Variants in APC observed in about 807,000 individuals in gnomAD.
APC encodes APC regulator of Wnt signaling pathway.
Under a neutral mutation model 247.0 loss-of-function variants are expected in APC, and 72 were observed. The observed-to-expected ratio is 0.29, with a 90% CI of 0.24 to 0.35. The LOEUF is 0.35. Among genes scored for constraint, APC ranks in the 10% least tolerant of loss-of-function variants. APC has a pLI of 1.00. For missense variants in APC, 3,400 were observed against 3,360.7 expected (o/e 1.01, Z -0.29); for synonymous variants, 1,254 against 1,162.5 (o/e 1.08, Z -1.60).
chr5:112,733,692 G>A (rs1752209858), upstream of APC, among the ~76,000 whole-genome samples: 1 of 152,196 alleles, frequency 6.6e-6, no homozygotes. Context: ...GTTATCAAAT[G>A]TGTGTTTTAA....
At chr5:112,710,266 G>T (rs62363986) in intron 1 of APC, among the ~76,000 whole-genome samples, 1 of 152,160 alleles carries the variant, frequency 6.6e-6, no homozygotes, top group Non-Finnish European at 1.5e-5. Context: ...TGGGTCTCTA[G>T]TGTTGTGTTC....
chr5:112,774,392 A>G (rs1393137130), intron 4 of APC, among the ~76,000 whole-genome samples: 2 of 152,160 alleles, frequency 1.3e-5, no homozygotes, highest in Non-Finnish European at 2.9e-5. Context: ...CCAAAATCCA[A>G]AAACACTTCT....
At chr5:112,742,680 A>G (rs1292353284) in intron 1 of APC, among the ~76,000 whole-genome samples, 4 of 152,170 alleles carry the variant, frequency 2.6e-5, no homozygotes, top group African/African-American at 4.8e-5. Flanking sequence ...GCTTCCCTCA[A>G]TGATTCTAAC....
At position 112,842,974 on chromosome 5, in the gene APC, T is replaced by C. The variant is rs1060504889; in HGVS notation, c.7380T>C (p.Ala2460=). 1 of 1,614,086 alleles carries C rather than the reference T, an allele frequency of 6.2e-7. No homozygotes were observed. Among genetic ancestry groups the C allele is most frequent in the South Asian group, 1.1e-5 (1 of 91,080 alleles). ...PTLRRKLEES[A]SFESLSPSSR... ...TAAGAAGAAAATTGGAGGAATCTGC[T>C]TCATTTGAATCTCTTTCTCCATCAT... The change falls in exon 16 of 16, where the codon GCT becomes GCC. Residue 2460 remains alanine (A), a synonymous_variant. Transcript: ENST00000257430.
At position 112,839,812 on chromosome 5, in the gene APC, G is replaced by T. The variant is rs1353765293; in HGVS notation, c.4218G>T (p.Gln1406His). The T allele has an allele frequency of 2.5e-6, 4 of 1,613,982 alleles. No homozygotes were observed. In the South Asian group the frequency reaches 4.4e-5, roughly 18 times the overall value. The change falls in exon 16 of 16, where the codon CAG becomes CAT. Residue 1406 changes from glutamine (Q) to histidine (H), a missense_variant. Transcript: ENST00000257430. This position sits in a 1 kb window ranked among gnomAD's most constrained non-coding sequence, Gnocchi z 5.0. ...FESRSIASSV[Q>H]SEPCSGMVSG... is the part of the protein sequence containing the mutation. ...GTCGTTCGATTGCCAGCTCCGTTCA[G>T]AGTGAACCATGCAGTGGAATGGTAA...
rs761733547 is a variant in APC, at chr5:112,837,684, C to T, written c.2090C>T (p.Ala697Val). ...LSARNPKDQE[A>V]LWDMGAVSML... Reference sequence around the variant, plus strand: ...GCAAGAAATCCTAAAGACCAGGAAGCATTATGGGACATGGGGGCAGTTAGC... The same window carrying T: ...GCAAGAAATCCTAAAGACCAGGAAGTATTATGGGACATGGGGGCAGTTAGC... The change falls in exon 16 of 16, where the codon GCA becomes GTA. Residue 697 changes from alanine (A) to valine (V), a missense_variant. This residue lies in a region of APC where 184 missense variants were observed against 248.0 expected (regional missense o/e 0.74). Coordinates refer to ENST00000257430, the MANE Select transcript of APC (RefSeq NM_000038.6). 6.2e-6 allele frequency: 10 copies of T among 1,614,050 alleles called. No homozygotes were observed. Among genetic ancestry groups the T allele is most frequent in the African/African-American group, 2.7e-5 (2 of 74,928 alleles).
chr5:112,779,771 A>G (rs1320485386), intron 5 of APC, among the ~76,000 whole-genome samples: 2 of 152,106 alleles, frequency 1.3e-5, no homozygotes, highest in African/African-American at 2.4e-5. Flanking sequence ...TTTCATCTCT[A>G]TTGCAACCCA....
At position 112,801,343 on chromosome 5, in the gene APC, G is replaced by T; in HGVS notation, c.794G>T (p.Gly265Val). ...HDAERQNEGQ[G>V]VGEINMATSG... is the part of the protein sequence containing the mutation. ...GCTGAGCGGCAGAATGAAGGTCAAG[G>T]AGTGGGAGAAATCAACATGGCAACT... The change falls in exon 8 of 16, where the codon GGA (glycine) becomes GTA (valine). Residue 265 changes from glycine to valine, a missense_variant. Physicochemically the swap from Gly to Val is moderately radical, Grantham distance 109 (BLOSUM62 -3). This residue lies in a region of APC where 372 missense variants were observed against 367.6 expected (regional missense o/e 1.01). Transcript: ENST00000257430. 1 of 1,612,734 alleles carries T rather than the reference G, an allele frequency of 6.2e-7. No homozygotes were observed. The highest frequency in any genetic ancestry group is 8.5e-7 in the Non-Finnish European group (1 of 1,179,094).
At chr5:112,759,888 C>T (rs182966873) in intron 2 of APC, among the ~76,000 whole-genome samples, 356 of 152,064 alleles carry the variant, frequency 2.3e-3, no homozygotes, top group African/African-American at 8.2e-3. Context: ...TTTAAAAACT[C>T]TTCAAAATCA....
chr5:112,803,723 A>G (rs1761077851), intron 8 of APC, among the ~76,000 whole-genome samples: 1 of 152,230 alleles, frequency 6.6e-6, no homozygotes, highest in Non-Finnish European at 1.5e-5. Flanking sequence ...TGAAAAGGAC[A>G]GACAGTCCTT....
chr5:112,819,428 GC>G, intron 10 of APC, 84 bp downstream of exon 10: 1 of 1,549,902 alleles, frequency 6.5e-7, no homozygotes, highest in African/African-American at 1.4e-5. Context: ...TAGTTAATAT[GC>G]TGTCTTTATG....
In APC at chr5:112,792,558, G is replaced by A. The variant is rs577773961; in HGVS notation, c.729+29G>A. On this transcript the variant is annotated intron_variant, in intron 7 of 15. Transcript: ENST00000257430. ...AGTAAATTGCCTTTCTTGTTTGTGGGTATAAAAATAGGTAGTTATTCTGAG... is the reference window on the plus strand; with the variant it reads ...AGTAAATTGCCTTTCTTGTTTGTGGATATAAAAATAGGTAGTTATTCTGAG... 5.9e-6 allele frequency: 9 copies of A among 1,513,932 alleles called. No individual in the cohort carries two copies. In the East Asian group the frequency reaches 2.0e-4, roughly 34 times the overall value. The allele number at this position is 1,513,932 out of a possible 1,614,324, so 93.8% of individuals were successfully genotyped here.
intron 1 of APC, among the ~76,000 whole-genome samples, chr5:112,724,712 G>A (rs1353210154): frequency 1.3e-5 from 2 of 152,106 alleles, no homozygotes; most frequent in Non-Finnish European, 2.9e-5. Flanking sequence ...TTATCTAGGT[G>A]AAAAAGCAGA....
In APC at chr5:112,840,618, T is replaced by G. The variant is rs2149930041; in HGVS notation, c.5024T>G (p.Val1675Gly). 1.2e-6 allele frequency: 2 copies of G among 1,613,750 alleles called. No individual in the cohort carries two copies. Among genetic ancestry groups the G allele is most frequent in the African/African-American group, 1.3e-5 (1 of 74,904 alleles). Reference protein sequence around the residue: ...PPNELAAGEGVRGGAQSGEFE... With the variant: ...PPNELAAGEGGRGGAQSGEFE... ...AATGAGTTAGCTGCTGGAGAAGGAG[T>G]TAGAGGAGGGGCACAGTCAGGTGAA... Residue 1675 changes from valine to glycine, a missense_variant, in exon 16 of 16, where the codon GTT becomes GGT. By Grantham distance (109) the Val-to-Gly change is moderately radical. Coordinates refer to ENST00000257430, the MANE Select transcript of APC (RefSeq NM_000038.6). The surrounding 1 kb of genome is among the most constrained non-coding windows in gnomAD (Gnocchi z 4.1).
In APC at chr5:112,839,418, G is replaced by C. The variant is rs587781637; in HGVS notation, c.3824G>C (p.Ser1275Thr). ...EDTPICFSRC[S>T]SLSSLSSAED... Reference sequence around the variant, plus strand: ...ACTCCAATATGTTTTTCAAGATGTAGTTCATTATCATCTTTGTCATCAGCT... The same window carrying C: ...ACTCCAATATGTTTTTCAAGATGTACTTCATTATCATCTTTGTCATCAGCT... The change falls in exon 16 of 16, where the codon AGT becomes ACT. Residue 1275 changes from serine to threonine, a missense_variant. Transcript: ENST00000257430. The surrounding 1 kb of genome is among the most constrained non-coding windows in gnomAD (Gnocchi z 5.0). 6.2e-6 allele frequency: 10 copies of C among 1,614,010 alleles called. No homozygotes were observed. The highest frequency in any genetic ancestry group is 6.8e-6 in the Non-Finnish European group (8 of 1,179,996).
At chr5:112,792,948 C>T (rs1227704241) in intron 7 of APC, among the ~76,000 whole-genome samples, 1 of 151,896 alleles carries the variant, frequency 6.6e-6, no homozygotes. Context: ...GGAAGGTGAC[C>T]ACAGTAAAAT....
At chr5:112,735,815 A>G (rs1752351825), upstream of APC, among the ~76,000 whole-genome samples, 1 of 152,222 alleles carries the variant, frequency 6.6e-6, no homozygotes, top group African/African-American at 2.4e-5. Context: ...TTTGAAGCAT[A>G]GTGACTAATG....
chr5:112,765,143 C>A lies in APC; in HGVS notation c.136-1183C>A, dbSNP rs993553368. On this transcript the variant is annotated intron_variant, in intron 2 of 15. Coordinates refer to ENST00000257430, the MANE Select transcript of APC (RefSeq NM_000038.6). The stretch of plus-strand genomic sequence containing the variant: ...TTTTTTAGCTGAGGTCTCACTCTGT[C>A]CCCCAGGCTGGAGTGCAGTGGTGAG... Among the ~76,000 whole-genome samples, 11 of 152,230 alleles carry A rather than the reference C, an allele frequency of 7.2e-5. No individual in the cohort carries two copies. The South Asian group carries it at 2.3e-3, about 32-fold the overall frequency.
intron 1 of APC, among the ~76,000 whole-genome samples, chr5:112,748,929 G>C (rs1753981360): frequency 6.6e-6 from 1 of 152,182 alleles, no homozygotes; most frequent in African/African-American, 2.4e-5. Context: ...ACTTGAGCCA[G>C]GGAGGTCAAG....
Sources: gnomAD v4.1 joint callset for allele counts (sites outside exome capture counted in the v4.1 genomes callset) on GRCh38, gnomAD v4.1.1 for gene constraint, gnomAD v4.1.1 regional missense constraint, Gnocchi (gnomAD v3.1) non-coding constraint, MANE v1.5 for transcripts, NCBI Gene and HGNC (gene_info 2026-07-23, HGNC 2026-07-21) for gene names.